The following TMPRSS9 variants were observed in gnomAD, a reference collection of about 807,000 sequenced individuals.
The protein encoded by TMPRSS9 is transmembrane serine protease 9, also known as transmembrane protease serine 9.
TMPRSS9 carries 113 observed loss-of-function variants against 111.4 expected under a neutral mutation model. The ratio of observed to expected loss-of-function variants is 1.01; its 90% CI spans 0.87 to 1.19. The LOEUF is 1.19. Ranked by LOEUF, TMPRSS9 falls within the 50% of genes most tolerant of loss-of-function variation. The pLI is 0.00. For synonymous variants in TMPRSS9, 805 were observed against 659.1 expected (o/e 1.22, Z -3.39); for missense variants, 1,803 against 1,513.1 (o/e 1.19, Z -3.18).
intron 1 of TMPRSS9, among the ~76,000 whole-genome samples, chr19:2,364,345 T>C (rs1315650177): frequency 6.6e-6 from 1 of 152,188 alleles, no homozygotes; most frequent in Non-Finnish European, 1.5e-5. Flanking sequence ...TTTCTGTGTG[T>C]TGCTCTGAAA....
At chr19:2,373,256 AGTCTCACTCT>A (rs1970304391) in intron 1 of TMPRSS9, among the ~76,000 whole-genome samples, 1 of 152,088 alleles carries the variant, frequency 6.6e-6, no homozygotes, top group Non-Finnish European at 1.5e-5. Flanking sequence ...TTTGAGACAC[AGTCTCACTCT>A]GTCGCCCAGG....
intron 1 of TMPRSS9, among the ~76,000 whole-genome samples, chr19:2,374,104 C>T (rs985653247): frequency 6.6e-6 from 1 of 152,060 alleles, no homozygotes; most frequent in African/African-American, 2.4e-5. Flanking sequence ...TCCCGAGCTA[C>T]AGAGCTCTGA....
chr19:2,379,065 A>G (rs757288756), intron 1 of TMPRSS9, among the ~76,000 whole-genome samples: 5 of 152,046 alleles, frequency 3.3e-5, no homozygotes, highest in Non-Finnish European at 7.4e-5. Context: ...GCCAAACCAT[A>G]TTAGATACCT....
At position 2,403,110 on chromosome 19, in the gene TMPRSS9, C is replaced by A. The variant is rs191226188; in HGVS notation, c.585C>A (p.Cys195Ter). 4 of 1,611,898 alleles carry A rather than the reference C, an allele frequency of 2.5e-6. No homozygotes were observed. The highest frequency in any genetic ancestry group is 1.7e-5 in the Admixed American group (1 of 59,738). Residue 195 changes from cysteine (C) to a stop codon, truncating the protein, a stop_gained, in exon 6 of 18, where the codon TGC becomes TGA. Transcript: ENST00000648592. LOFTEE classifies it high-confidence loss of function. The stretch of plus-strand genomic sequence containing the variant: ...GCTGTCCAGGGAACTCCTTTTCCTG[C>A]GGGAACAGCCAGTGTGTGACCAAGG...
chr19:2,418,094 A>C (rs371213313), exon 13 of TMPRSS9: 1 of 1,612,324 alleles, frequency 6.2e-7, no homozygotes, highest in South Asian at 1.1e-5. Flanking sequence ...CACAGACCGC[A>C]TGATCTGCGC....
At chr19:2,425,712 G>T in intron 17 of TMPRSS9, 1 of 1,180,862 alleles carries the variant, frequency 8.5e-7, no homozygotes, top group Admixed American at 3.1e-5. Context: ...CGGCAGAGCA[G>T]GCAGAGGCTG....
At chr19:2,364,940 C>G (rs1970236827) in intron 1 of TMPRSS9, among the ~76,000 whole-genome samples, 2 of 150,878 alleles carry the variant, frequency 1.3e-5, no homozygotes, top group Non-Finnish European at 2.9e-5. Context: ...GATCGCGCCA[C>G]TGCACTCCAG....
rs144694311 is a variant in TMPRSS9, at chr19:2,373,509, C to T, written c.-26+13149C>T. 1.7e-3 allele frequency among the ~76,000 whole-genome samples: 255 copies of T among 152,206 alleles called. 1 individual carries two copies. The highest frequency in any genetic ancestry group is 5.9e-3 in the African/African-American group (244 of 41,530). ...CCTCCCAAAGTGCTGGGATTACAGG[C>T]GTGTACCACCATGCCCAGCTAATTT... On this transcript the variant is annotated intron_variant, in intron 1 of 17. Transcript: ENST00000649857.
intron 2 of TMPRSS9, among the ~76,000 whole-genome samples, chr19:2,396,904 C>T (rs1375191353): frequency 6.6e-6 from 1 of 151,350 alleles, no homozygotes; most frequent in Non-Finnish European, 1.5e-5. Flanking sequence ...CTTTAGGCCA[C>T]ATTTAGAGGT....
intron 2 of TMPRSS9, among the ~76,000 whole-genome samples, chr19:2,397,398 C>T (rs1301386201): frequency 6.6e-6 from 1 of 152,022 alleles, no homozygotes; most frequent in Admixed American, 6.6e-5. Flanking sequence ...TCAAGCGATT[C>T]TCCTGTCTCA....
At chr19:2,366,326 G>A (rs1464800837) in intron 1 of TMPRSS9, among the ~76,000 whole-genome samples, 2 of 152,138 alleles carry the variant, frequency 1.3e-5, no homozygotes, top group African/African-American at 4.8e-5. Context: ...CAGCCTGGGT[G>A]ACAGAGTGAA....
At chr19:2,377,067 C>T (rs1970341186) in intron 1 of TMPRSS9, among the ~76,000 whole-genome samples, 1 of 151,330 alleles carries the variant, frequency 6.6e-6, no homozygotes, top group Non-Finnish European at 1.5e-5. Context: ...TTTCTGTTCA[C>T]AGATCCCCAC....
Position 2,405,863 on chromosome 19 carries a change from G to A in TMPRSS9, c.842+318G>A, listed in dbSNP as rs577353994. On this transcript the variant is annotated intron_variant, in intron 7 of 17. Transcript: ENST00000648592. ...TGGGACTACAGGCGCCCGCCACCACGCCTGTTGTATTTTTAGTAGAGACGG... is the reference window on the plus strand; with the variant it reads ...TGGGACTACAGGCGCCCGCCACCACACCTGTTGTATTTTTAGTAGAGACGG... Among the ~76,000 whole-genome samples the A allele has an allele frequency of 2.3e-3, 338 of 148,592 alleles. 2 individuals are homozygous for A. The highest frequency in any genetic ancestry group is 7.2e-3 in the African/African-American group (290 of 40,558).
chr19:2,385,591 G>A (rs929224384), upstream of TMPRSS9, among the ~76,000 whole-genome samples: 2 of 151,920 alleles, frequency 1.3e-5, no homozygotes, highest in Non-Finnish European at 2.9e-5. Flanking sequence ...AGAGGTGGCC[G>A]GGTACAGCGG....
chr19:2,389,468 C>T (rs1970540877), upstream of TMPRSS9, among the ~76,000 whole-genome samples: 1 of 150,266 alleles, frequency 6.7e-6, no homozygotes, highest in Non-Finnish European at 1.5e-5. Context: ...CTCCCGGGTT[C>T]AAGCGATTCT....
intron 11 of TMPRSS9, among the ~76,000 whole-genome samples, chr19:2,416,061 T>C (rs1007623810): frequency 6.6e-6 from 1 of 152,082 alleles, no homozygotes; most frequent in Non-Finnish European, 1.5e-5. Flanking sequence ...TCCCCATTGC[T>C]TGCTACCCAG....
exon 18 of TMPRSS9, chr19:2,426,044 G>T: frequency 6.2e-7 from 1 of 1,609,450 alleles, no homozygotes; most frequent in Non-Finnish European, 8.5e-7. Flanking sequence ...CTATACCCGG[G>T]TGGCAGCTGT....
intron 1 of TMPRSS9, among the ~76,000 whole-genome samples, chr19:2,371,380 G>A (rs1970289284): frequency 6.6e-6 from 1 of 152,102 alleles, no homozygotes; most frequent in Non-Finnish European, 1.5e-5. Flanking sequence ...AGATGTCCCA[G>A]GTTCCAGGTT....
At chr19:2,410,143 G>A (rs1971063607) in intron 8 of TMPRSS9, 115 bp from the exon 10 acceptor site, 1 of 1,460,940 alleles carries the variant, frequency 6.8e-7, no homozygotes, top group Non-Finnish European at 9.3e-7. Flanking sequence ...GGCCATGCTT[G>A]GAGCTGGGGA....
Sources: gnomAD v4.1 joint callset for allele counts (sites outside exome capture counted in the v4.1 genomes callset) on GRCh38, gnomAD v4.1.1 for gene constraint, MANE v1.5 for transcripts, NCBI Gene and HGNC (gene_info 2026-07-23, HGNC 2026-07-21) for gene names.